The following MST1R variants were observed in gnomAD, a reference collection of about 807,000 sequenced individuals.
MST1R encodes macrophage-stimulating protein receptor.
Under a neutral mutation model 117.8 loss-of-function variants are expected in MST1R, and 99 were observed. That is an observed-to-expected ratio of 0.84 (90% confidence interval 0.71 to 0.99). MST1R has a LOEUF of 0.99. MST1R is among the 50% of genes least tolerant of loss of function. MST1R has a pLI of 0.00. For missense variants in MST1R, 1,683 were observed against 1,840.2 expected, an observed-to-expected ratio of 0.91 and a Z score of 1.56; for synonymous variants, 734 against 765.3, an observed-to-expected ratio of 0.96 and a Z score of 0.68.
intron 14 of MST1R, among the ~76,000 whole-genome samples, chr3:49,894,092 G>A (rs915209999): frequency 2.0e-5 from 3 of 150,830 alleles, no homozygotes; most frequent in Admixed American, 6.6e-5. Context: ...GCAGGCGCCT[G>A]TAATCCTAGC....
Position 49,902,668 on chromosome 3 carries a change from G to A in MST1R, c.942C>T (p.Gly314=), listed in dbSNP as rs776112342. ...PKRRRRGAPE[G]GQPYPVLRVA... is the part of the protein sequence containing the mutation. ...CCCGCAGCACAGGGTAGGGCTGTCC[G>A]CCTTCTGGGGCCCCCCGGCGCCTGC... is the stretch of plus-strand genomic sequence containing the variant. Residue 314 remains glycine (G), a synonymous_variant, in exon 1 of 20, where the codon GGC becomes GGT. Coordinates refer to ENST00000296474, the MANE Select transcript of MST1R (RefSeq NM_002447.4). 35 of 1,613,264 alleles carry A rather than the reference G, an allele frequency of 2.2e-5. No homozygotes were observed. The highest frequency in any genetic ancestry group is 2.4e-5 in the Non-Finnish European group (28 of 1,180,042).
chr3:49,899,245 T>A lies in MST1R; in HGVS notation c.1249A>T (p.Ser417Cys), dbSNP rs1224480734. ...CPNPPGLEAL[S>C]PNTSCRHFPL... Reference sequence around the variant, plus strand: ...AAGTGGCGGCAGCTGGTGTTGGGGCTGAGGGCTTCCAGGCCAGGCTGGGAA... The same window carrying A: ...AAGTGGCGGCAGCTGGTGTTGGGGCAGAGGGCTTCCAGGCCAGGCTGGGAA... Residue 417 changes from serine to cysteine, a missense_variant, in exon 2 of 20, where the codon AGC becomes TGC. By Grantham distance (112) the Ser-to-Cys change is moderately radical (BLOSUM62 -1). Transcript: ENST00000296474. 6.2e-7 allele frequency: 1 copy of A among 1,614,060 alleles called. No homozygotes were observed. The highest frequency in any genetic ancestry group is 1.1e-5 in the South Asian group (1 of 91,086).
Position 49,903,296 on chromosome 3 carries a change from G to A in MST1R, c.314C>T (p.Ala105Val), listed in dbSNP as rs2108512355. ...GCCGTGGGGTCCTGGGCCACAGGCT[G>A]CACACGTCTGGCAGCCAGGGTCTCC... ...PAGDPGCQTC[A>V]ACGPGPHGPP... Residue 105 changes from alanine to valine, a missense_variant, in exon 1 of 20, where the codon GCA becomes GTA. Ala to Val is a moderately conservative substitution (Grantham distance 64, BLOSUM62 0). Transcript: ENST00000296474. 1 of 1,612,176 alleles carries A rather than the reference G, an allele frequency of 6.2e-7. No homozygotes were observed. Among genetic ancestry groups the A allele is most frequent in the South Asian group, 1.1e-5 (1 of 91,084 alleles).
intron 19 of MST1R, 24 bp downstream of exon 19, chr3:49,889,900 C>T (rs1294074776): frequency 1.2e-6 from 2 of 1,613,904 alleles, no homozygotes; most frequent in Non-Finnish European, 1.7e-6. Flanking sequence ...AGTTCCCTCC[C>T]CACTACCACC....
At chr3:49,891,974 TA>T in intron 14 of MST1R, 136 bp from the exon 15 acceptor site, 2 of 649,456 alleles carry the variant, frequency 3.1e-6, no homozygotes, top group East Asian at 3.0e-5. Context: ...AATTTTTATT[TA>T]TTTTTTTTGA....
At chr3:49,898,480 G>A in intron 4 of MST1R, 38 bp downstream of exon 4, 1 of 1,603,722 alleles carries the variant, frequency 6.2e-7, no homozygotes, top group Non-Finnish European at 8.5e-7. Flanking sequence ...GGCCCAGCCT[G>A]TCCCACTCTT....
chr3:49,890,060 A>G lies in MST1R; in HGVS notation c.3811T>C (p.Trp1271Arg). Residue 1271 changes from tryptophan to arginine, a missense_variant and splice_region_variant, in exon 19 of 20, where the codon TGG (tryptophan) becomes CGG (arginine). Transcript: ENST00000296474. ...TYRFTTKSDVWSFGVLLWELL... is the reference protein window; with the variant it reads ...TYRFTTKSDVRSFGVLLWELL... Reference sequence around the variant, plus strand: ...TCCCACAGCAGCACACCAAATGACCACTGTGGAAAGGGGGAGGTGAGGGGA... The same window carrying G: ...TCCCACAGCAGCACACCAAATGACCGCTGTGGAAAGGGGGAGGTGAGGGGA... 1 of 1,599,490 alleles carries G rather than the reference A, an allele frequency of 6.3e-7. No homozygotes were observed. Among genetic ancestry groups the G allele is most frequent in the Non-Finnish European group, 8.5e-7 (1 of 1,172,464 alleles).
rs748301720 is a variant in MST1R at position 49,903,162 on chromosome 3, G to GCT, written c.446_447dup (p.Pro150SerfsTer38). On this transcript the variant is annotated frameshift_variant, in exon 1 of 20. Transcript: ENST00000296474. LOFTEE classifies it high-confidence loss of function. ...GCCAGATGCACGGCTGTCCCTTGGGGCTCTAGGTCATGCAGGAAGCAGCGG... is the reference window on the plus strand; with the variant it reads ...GCCAGATGCACGGCTGTCCCTTGGGGCTCTCTAGGTCATGCAGGAAGCAGCGG... The GCT allele has an allele frequency of 1.9e-6, 3 of 1,604,720 alleles. No homozygotes were observed. The highest frequency in any genetic ancestry group is 2.5e-6 in the Non-Finnish European group (3 of 1,179,994).
At chr3:49,891,153 A>G in intron 17 of MST1R, 44 bp downstream of exon 17, 1 of 1,572,732 alleles carries the variant, frequency 6.4e-7, no homozygotes, top group Non-Finnish European at 8.7e-7. Flanking sequence ...GCACACCCTC[A>G]TGCCCTGTCC....
rs187753080 is a variant in MST1R at position 49,898,312 on chromosome 3, G to A, written c.1720-101C>T. 1.0e-3 allele frequency: 1,553 copies of A among 1,504,002 alleles called. 15 individuals are homozygous for A. The African/African-American group carries it at 0.019, about 19-fold the overall frequency. The allele number at this position is 1,504,002 out of a possible 1,614,324, so 93.2% of individuals were successfully genotyped here. On this transcript the variant is annotated intron_variant, in intron 4 of 19. Coordinates refer to ENST00000296474, the MANE Select transcript of MST1R (RefSeq NM_002447.4). ...CTGCCATACCCCTTGCCTTCCCCACGCTCCAGCCATTTGGAGTCACTTGCA... is the reference window on the plus strand; with the variant it reads ...CTGCCATACCCCTTGCCTTCCCCACACTCCAGCCATTTGGAGTCACTTGCA...
chr3:49,898,618 C>CA lies in MST1R; in HGVS notation c.1618dup (p.Trp540LeufsTer31). 6.2e-7 allele frequency: 1 copy of CA among 1,614,222 alleles called. No individual in the cohort carries two copies. Among genetic ancestry groups the CA allele is most frequent in the Non-Finnish European group, 8.5e-7 (1 of 1,180,048 alleles). On this transcript the variant is annotated frameshift_variant, in exon 4 of 20. Coordinates refer to ENST00000296474, the MANE Select transcript of MST1R (RefSeq NM_002447.4). LOFTEE classifies it high-confidence loss of function. ...ACACCAGCCACAGCCCATGAAATGC[C>CA]ATGCCCTTAGGCAACGCCCACAGGT... is the stretch of plus-strand genomic sequence containing the variant.
In MST1R at chr3:49,897,399, T is replaced by A. The variant is rs778596599; in HGVS notation, c.2064A>T (p.Ala688=). 1.2e-6 allele frequency: 2 copies of A among 1,613,622 alleles called. No individual in the cohort carries two copies. The highest frequency in any genetic ancestry group is 1.7e-6 in the Non-Finnish European group (2 of 1,179,828). ...GFSFMEPVLI[A]VQPLFGPRAG... Reference sequence around the variant, plus strand: ...CCCGTGGGCCAAAGAGGGGTTGCACTGCTATCAGCACTGGCTCCTAAGAGG... The same window carrying A: ...CCCGTGGGCCAAAGAGGGGTTGCACAGCTATCAGCACTGGCTCCTAAGAGG... Residue 688 remains alanine (A), a synonymous_variant, in exon 7 of 20, where the codon GCA becomes GCT. Transcript: ENST00000296474.
rs772419083 is a variant in MST1R at position 49,902,791 on chromosome 3, A to G, written c.819T>C (p.Pro273=). The G allele has an allele frequency of 1.2e-6, 2 of 1,613,906 alleles. No individual in the cohort carries two copies. Among genetic ancestry groups the G allele is most frequent in the Non-Finnish European group, 1.7e-6 (2 of 1,180,040 alleles). ...GTGCCAGGCGTGTGTGCAGGGCACT[A>G]GGATCATCTGTCACGCTGGCCGGCT... The part of the protein sequence containing the change: ...TVQPASVTDD[P]SALHTRLARL... The change falls in exon 1 of 20, where the codon CCT becomes CCC. Residue 273 remains proline (P), a synonymous_variant. Coordinates refer to ENST00000296474, the MANE Select transcript of MST1R (RefSeq NM_002447.4).
chr3:49,891,108 G>A, intron 17 of MST1R, 89 bp downstream of exon 17: 1 of 1,137,198 alleles, frequency 8.8e-7, no homozygotes. Flanking sequence ...GGACAAGGCT[G>A]GAGTGGGCCC....
intron 14 of MST1R, chr3:49,892,039 T>C: frequency 2.6e-6 from 1 of 385,950 alleles, no homozygotes; most frequent in Non-Finnish European, 4.7e-6. Flanking sequence ...TCTCAACTCA[T>C]TGCAACCTCT....
intron 1 of MST1R, chr3:49,899,560 C>CTTTTT (rs66742220): frequency 2.0e-4 from 13 of 66,388 alleles, no homozygotes; most frequent in African/African-American, 7.7e-4. Context: ...CCCCGTACAT[C>CTTTTT]TTTTTTTTTT....
Position 49,891,268 on chromosome 3 carries a change from C to T in MST1R, c.3573G>A (p.Gln1191=). The T allele has an allele frequency of 6.2e-7, 1 of 1,614,168 alleles. No homozygotes were observed. The highest frequency in any genetic ancestry group is 8.5e-7 in the Non-Finnish European group (1 of 1,180,040). The part of the protein sequence containing the change: ...TVKDLISFGL[Q]VARGMEYLAE... Reference sequence around the variant, plus strand: ...CCAGGTACTCCATGCCGCGGGCTACCTGCAGGCCAAAGCTGATGAGGTCCT... The same window carrying T: ...CCAGGTACTCCATGCCGCGGGCTACTTGCAGGCCAAAGCTGATGAGGTCCT... The change falls in exon 17 of 20, where the codon CAG becomes CAA. Residue 1191 remains glutamine (Q), a synonymous_variant. Coordinates refer to ENST00000296474, the MANE Select transcript of MST1R (RefSeq NM_002447.4).
At position 49,903,639 on chromosome 3, in the gene MST1R, T is replaced by C; in HGVS notation, c.-30A>G. 4.5e-6 allele frequency: 7 copies of C among 1,539,030 alleles called. No individual in the cohort carries two copies. Among genetic ancestry groups the C allele is most frequent in the Non-Finnish European group, 6.1e-6 (7 of 1,149,594 alleles). On this transcript the variant is annotated 5_prime_UTR_variant, in exon 1 of 20. Coordinates refer to ENST00000296474, the MANE Select transcript of MST1R (RefSeq NM_002447.4). ...GCGAGCTGGGACCCTAGAGGATCCC[T>C]ACCGGCCTGGGCCTGGACCTGGGCG...
intron 19 of MST1R, 85 bp downstream of exon 19, chr3:49,889,839 G>A (rs928924332): frequency 4.5e-6 from 7 of 1,546,728 alleles, no homozygotes; most frequent in Non-Finnish European, 6.2e-6. Flanking sequence ...AGTTCAGTCA[G>A]GAAGCCAGGC....
Sources: allele counts gnomAD v4.1 joint callset (sites outside exome capture counted in the v4.1 genomes callset), GRCh38; gene constraint gnomAD v4.1.1; transcripts MANE v1.5; gene names NCBI Gene and HGNC (gene_info 2026-07-23, HGNC 2026-07-21).